The following TMEM132C variants were observed in gnomAD, a reference collection of about 807,000 sequenced individuals.
TMEM132C encodes transmembrane protein 132C.
Under a neutral mutation model 61.4 loss-of-function variants are expected in TMEM132C, and 29 were observed. The observed-to-expected ratio is 0.47, with a 90% confidence interval of 0.35 to 0.64. The LOEUF (loss-of-function observed/expected upper bound fraction) is 0.64, where lower values mean the gene tolerates loss of function less well. TMEM132C is among the 30% of genes least tolerant of loss of function. TMEM132C has a pLI of 0.00. For synonymous variants in TMEM132C, 656 were observed against 633.1 expected, an observed-to-expected ratio of 1.04 and a Z score of -0.54; for missense variants, 1,408 against 1,476.9, an observed-to-expected ratio of 0.95 and a Z score of 0.76.
At chr12:128,329,593 A>T (rs1341163909) in intron 1 of TMEM132C, among the ~76,000 whole-genome samples, 2 of 152,080 alleles carry the variant, frequency 1.3e-5, no homozygotes, top group African/African-American at 4.8e-5. Context: ...GGACAAGGAG[A>T]TGGTTTAAAT....
At position 128,415,067 on chromosome 12, in the gene TMEM132C, T is replaced by C. The variant is rs1274279558; in HGVS notation, c.421T>C (p.Tyr141His). 1.9e-6 allele frequency: 3 copies of C among 1,598,418 alleles called. No homozygotes were observed. The highest frequency in any genetic ancestry group is 2.6e-6 in the Non-Finnish European group (3 of 1,172,258). ...AGCCCACATCCTGCGGGACAAAGTC[T>C]ACCTGAGCCGGCCCAAAGTGCAGGT... ...LKAHILRDKV[Y>H]LSRPKVQVLF... Residue 141 changes from tyrosine to histidine, a missense_variant, in exon 2 of 9, where the codon TAC becomes CAC. Coordinates refer to ENST00000435159, the MANE Select transcript of TMEM132C (RefSeq NM_001136103.3). This position sits in a 1 kb window ranked among gnomAD's most constrained non-coding sequence, Gnocchi z 5.8.
rs1465614352 is a variant in TMEM132C at position 128,414,793 on chromosome 12, A to G, written c.147A>G (p.Leu49=). The G allele has an allele frequency of 6.5e-7, 1 of 1,540,982 alleles. No homozygotes were observed. Among genetic ancestry groups the G allele is most frequent in the African/African-American group, 1.4e-5 (1 of 72,950 alleles). Residue 49 remains leucine (L), a synonymous_variant, in exon 2 of 9, where the codon CTA becomes CTG. Coordinates refer to ENST00000435159, the MANE Select transcript of TMEM132C (RefSeq NM_001136103.3). ...IQRFSSLPPY[L]PVSYHILRAE... ...GATTCTCCTCACTGCCACCTTACCT[A>G]CCTGTGAGCTACCACATCCTCAGAG...
intron 3 of TMEM132C, among the ~76,000 whole-genome samples, chr12:128,579,948 G>C (rs1875266801): frequency 1.3e-5 from 1 of 77,562 alleles, no homozygotes; most frequent in African/African-American, 3.0e-5. Context: ...TAAAATTTAA[G>C]TAAAGAGGAT....
chr12:128,655,461 C>G (rs1566004742), intron 4 of TMEM132C, among the ~76,000 whole-genome samples: 1 of 152,012 alleles, frequency 6.6e-6, no homozygotes, highest in Non-Finnish European at 1.5e-5. Flanking sequence ...CTGGACTACT[C>G]TGCCCTGAAT....
chr12:128,306,632 A>G (rs1871794212), intron 1 of TMEM132C, among the ~76,000 whole-genome samples: 1 of 152,176 alleles, frequency 6.6e-6, no homozygotes. Flanking sequence ...TTTCTGTGGC[A>G]GGTATCTATT....
At chr12:128,636,604 G>GTA (rs1437832836) in intron 4 of TMEM132C, among the ~76,000 whole-genome samples, 1 of 123,212 alleles carries the variant, frequency 8.1e-6, no homozygotes, top group Non-Finnish European at 1.7e-5. Flanking sequence ...GTGTGTGTGT[G>GTA]TATTAAGAAC....
chr12:128,332,791 G>A lies in TMEM132C; in HGVS notation c.85+65304G>A, dbSNP rs190329634. On this transcript the variant is annotated intron_variant, in intron 1 of 8. Coordinates refer to ENST00000435159, the MANE Select transcript of TMEM132C (RefSeq NM_001136103.3). Reference sequence around the variant, plus strand: ...CTTCTTTTCCTCTAGAAAGGGAATCGGCATGTTCCCAATCATCTCTGAGAT... The same window carrying A: ...CTTCTTTTCCTCTAGAAAGGGAATCAGCATGTTCCCAATCATCTCTGAGAT... 2.3e-4 allele frequency among the ~76,000 whole-genome samples: 35 copies of A among 152,314 alleles called. 1 individual carries two copies. The highest frequency in any genetic ancestry group is 7.7e-4 in the African/African-American group (32 of 41,554).
intron 1 of TMEM132C, among the ~76,000 whole-genome samples, chr12:128,339,348 C>A (rs1317713400): frequency 6.6e-6 from 1 of 151,998 alleles, no homozygotes; most frequent in African/African-American, 2.4e-5. Context: ...CTGCTCTAAT[C>A]TTGTCTGTGC....
intron 1 of TMEM132C, among the ~76,000 whole-genome samples, chr12:128,393,339 C>G (rs1033530131): frequency 1.3e-5 from 2 of 152,288 alleles, no homozygotes; most frequent in East Asian, 3.9e-4. Context: ...CAGTCAGACA[C>G]GTCTCAGGAT....
At chr12:128,374,051 G>A (rs1258736650) in intron 1 of TMEM132C, among the ~76,000 whole-genome samples, 1 of 152,180 alleles carries the variant, frequency 6.6e-6, no homozygotes, top group African/African-American at 2.4e-5. Context: ...ATTGAATGGG[G>A]ATAATAAGAG....
chr12:128,486,876 A>AACACACACACAC (rs56407388), intron 2 of TMEM132C, among the ~76,000 whole-genome samples: 332 of 131,208 alleles, frequency 2.5e-3, no homozygotes, highest in African/African-American at 9.1e-3. Context: ...TGTGCATGCA[A>AACACACACACAC]ACACACACAC....
At position 128,447,813 on chromosome 12, in the gene TMEM132C, G is replaced by A. The variant is rs71462493; in HGVS notation, c.974+32193G>A. Among the ~76,000 whole-genome samples the A allele has an allele frequency of 8.9e-5, 8 of 89,686 alleles. 1 individual carries two copies. Among genetic ancestry groups the A allele is most frequent in the East Asian group, 7.6e-4 (2 of 2,626 alleles). The allele number at this position is 89,686 out of a possible 152,430, so 58.8% of individuals were successfully genotyped here. On this transcript the variant is annotated intron_variant, in intron 2 of 8. Transcript: ENST00000435159. ...GCAATCTCGGCTCACTGCAAGCTCC[G>A]CCTCCCGGGTTCACGCCATTCTCCT...
chr12:128,652,683 C>T (rs111628719), intron 4 of TMEM132C, among the ~76,000 whole-genome samples: 3,495 of 152,330 alleles, frequency 0.023, 57 homozygotes, highest in Middle Eastern at 0.048. Context: ...GCCCCTGACC[C>T]GGGTAAAGCC....
At chr12:128,560,175 C>T (rs954640502) in intron 3 of TMEM132C, among the ~76,000 whole-genome samples, 4 of 152,186 alleles carry the variant, frequency 2.6e-5, no homozygotes, top group African/African-American at 4.8e-5. Flanking sequence ...TCAGCCCAGG[C>T]GACAGAAGCT....
intron 1 of TMEM132C, among the ~76,000 whole-genome samples, chr12:128,373,817 C>T (rs987248149): frequency 2.6e-5 from 4 of 152,218 alleles, no homozygotes; most frequent in African/African-American, 4.8e-5. Flanking sequence ...AAGCAGTTCA[C>T]TGTGAAAACA....
intron 1 of TMEM132C, among the ~76,000 whole-genome samples, chr12:128,377,368 A>G (rs112991846): frequency 0.016 from 2,447 of 152,272 alleles, 63 homozygotes; most frequent in African/African-American, 0.055. Flanking sequence ...ATCTTTTTCT[A>G]TAGATACTTT....
intron 3 of TMEM132C, among the ~76,000 whole-genome samples, chr12:128,572,030 C>G (rs1253050311): frequency 3.9e-5 from 6 of 151,924 alleles, no homozygotes; most frequent in Non-Finnish European, 8.8e-5. Flanking sequence ...ATTGGCCAGA[C>G]CTGGGTCACA....
intron 2 of TMEM132C, among the ~76,000 whole-genome samples, chr12:128,426,449 G>A (rs1158483217): frequency 1.3e-5 from 2 of 152,170 alleles, no homozygotes; most frequent in Non-Finnish European, 2.9e-5. Flanking sequence ...ATTAGCAGAA[G>A]AGACCCTAAA....
rs116534113 is a variant in TMEM132C, at chr12:128,326,295, C to A, written c.85+58808C>A. Among the ~76,000 whole-genome samples, 85 of 152,316 alleles carry A rather than the reference C, an allele frequency of 5.6e-4. No individual in the cohort carries two copies. The highest frequency in any genetic ancestry group is 2.0e-3 in the African/African-American group (84 of 41,572). ...CCATGAACCCCCCAGCCTCCCTGGG[C>A]TCTTCTCCGTGTCCGATTCTCTGGA... On this transcript the variant is annotated intron_variant, in intron 1 of 8. Transcript: ENST00000435159. The surrounding 1 kb of genome is among the most constrained non-coding windows in gnomAD (Gnocchi z 5.6).
Sources: gnomAD v4.1 joint callset for allele counts (sites outside exome capture counted in the v4.1 genomes callset) on GRCh38, gnomAD v4.1.1 for gene constraint, Gnocchi (gnomAD v3.1) non-coding constraint, MANE v1.5 for transcripts, NCBI Gene and HGNC (gene_info 2026-07-23, HGNC 2026-07-21) for gene names.